Variants in CFAP36 observed in about 807,000 individuals in gnomAD.
The protein encoded by CFAP36 is cilia and flagella associated protein 36, also known as cilia- and flagella-associated protein 36.
CFAP36 carries 37 observed loss-of-function variants against 50.5 expected under a neutral mutation model. The ratio of observed to expected loss-of-function variants is 0.73; its 90% CI spans 0.56 to 0.96. The LOEUF is 0.96. Among genes scored for constraint, CFAP36 ranks in the 50% least tolerant of loss-of-function variants. CFAP36 has a pLI of 0.00. For missense variants in CFAP36, 407 were observed against 396.2 expected (o/e 1.03, Z -0.23); for synonymous variants, 138 against 128.2 (o/e 1.08, Z -0.52).
At position 55,537,499 on chromosome 2, in the gene CFAP36, C is replaced by T; in HGVS notation, c.554C>T (p.Thr185Ile). The T allele has an allele frequency of 1.9e-6, 3 of 1,608,456 alleles. No homozygotes were observed. The highest frequency in any genetic ancestry group is 2.5e-6 in the Non-Finnish European group (3 of 1,178,078). The change falls in exon 7 of 10, where the codon ACA becomes ATA. Residue 185 changes from threonine (T) to isoleucine (I), a missense_variant. Thr to Ile is a moderately conservative substitution (Grantham distance 89). Transcript: ENST00000349456. ...KRKKQLSEAK[T>I]EEPTVHSSEA... ...ATCCTGAAGTTATCAGAGGCTAAAACAGAAGAGCCCACAGTGCATTCCAGT... is the reference window on the plus strand; with the variant it reads ...ATCCTGAAGTTATCAGAGGCTAAAATAGAAGAGCCCACAGTGCATTCCAGT...
At chr2:55,539,793 C>G (rs1175125905) in intron 7 of CFAP36, among the ~76,000 whole-genome samples, 1 of 152,110 alleles carries the variant, frequency 6.6e-6, no homozygotes, top group East Asian at 1.9e-4. Context: ...TGTCAGTGTT[C>G]TGGATTTGGA....
intron 5 of CFAP36, 64 bp downstream of exon 5, chr2:55,534,024 T>C: frequency 2.2e-6 from 2 of 928,962 alleles, no homozygotes; most frequent in Non-Finnish European, 1.6e-6. Flanking sequence ...GTACATATGC[T>C]TTTTGCCCAA....
chr2:55,535,667 C>T, intron 5 of CFAP36, 45 bp from the exon 6 acceptor site: 1 of 1,421,186 alleles, frequency 7.0e-7, no homozygotes, highest in Non-Finnish European at 9.4e-7. Flanking sequence ...GTTCTTTGAC[C>T]AAAAAAGGAA....
At chr2:55,542,134 T>C (rs546858904) in intron 7 of CFAP36, among the ~76,000 whole-genome samples, 63 of 152,374 alleles carry the variant, frequency 4.1e-4, no homozygotes, top group African/African-American at 1.5e-3. Flanking sequence ...CTTTGTTTTA[T>C]ATACACCTAA....
intron 7 of CFAP36, chr2:55,539,050 C>A: frequency 1.6e-6 from 1 of 627,786 alleles, no homozygotes; most frequent in Non-Finnish European, 2.2e-6. Flanking sequence ...CATGCCTAGC[C>A]TCTCCCATTA....
intron 5 of CFAP36, among the ~76,000 whole-genome samples, 185 bp from the exon 6 acceptor site, chr2:55,535,527 G>C (rs1386612875): frequency 6.6e-6 from 1 of 152,156 alleles, no homozygotes; most frequent in Non-Finnish European, 1.5e-5. Flanking sequence ...GTATTATGCT[G>C]TATGCCTATG....
intron 2 of CFAP36, among the ~76,000 whole-genome samples, chr2:55,522,966 G>T (rs1278481090): frequency 6.6e-6 from 1 of 151,926 alleles, no homozygotes; most frequent in Non-Finnish European, 1.5e-5. Flanking sequence ...ATGATGGCAT[G>T]TGCCTGTAGT....
intron 4 of CFAP36, among the ~76,000 whole-genome samples, chr2:55,530,320 C>T (rs748480915): frequency 1.3e-5 from 2 of 152,122 alleles, no homozygotes; most frequent in Non-Finnish European, 2.9e-5. Context: ...AATGTAAGTC[C>T]GATTAAACCT....
chr2:55,525,618 A>G (rs1684185556), intron 3 of CFAP36, among the ~76,000 whole-genome samples: 1 of 147,596 alleles, frequency 6.8e-6, no homozygotes, highest in African/African-American at 2.5e-5. Flanking sequence ...CTGCCATTCC[A>G]GGTAACTTGC....
Position 55,525,316 on chromosome 2 carries a change from G to T in CFAP36, c.282+1494G>T, listed in dbSNP as rs559554733. ...AAAATATAAAAGTTAGCTTGTTGTA[G>T]GTTGTGGTGGTGTTCTCCCCAGAGT... On this transcript the variant is annotated intron_variant, in intron 3 of 9. Coordinates refer to ENST00000349456, the MANE Select transcript of CFAP36 (RefSeq NM_080667.7). 2.4e-4 allele frequency among the ~76,000 whole-genome samples: 36 copies of T among 152,252 alleles called. 1 individual carries two copies. The highest frequency in any genetic ancestry group is 7.9e-4 in the African/African-American group (33 of 41,562).
intron 3 of CFAP36, among the ~76,000 whole-genome samples, chr2:55,525,272 T>G (rs1366620432): frequency 6.6e-6 from 1 of 152,042 alleles, no homozygotes; most frequent in African/African-American, 2.4e-5. Flanking sequence ...GACAACATAG[T>G]GAGACCCCAT....
chr2:55,521,621 G>A (rs188147610), intron 1 of CFAP36, among the ~76,000 whole-genome samples: 5,507 of 144,288 alleles, frequency 0.038, 143 homozygotes, highest in South Asian at 0.094. Flanking sequence ...GTGTGTGTGT[G>A]TATATTTTTT....
Position 55,544,382 on chromosome 2 carries a change from TTAATA to T in CFAP36, c.927+15_927+19del, listed in dbSNP as rs1314063369. On this transcript the variant is annotated intron_variant, in intron 9 of 9. Transcript: ENST00000349456. ...TGGGGAGGTAGAGGTATGGCTAGCC[TTAATA>T]TGTCAAGATTTACAAATCTGGTGGT... 3 of 1,590,308 alleles carry T rather than the reference TTAATA, an allele frequency of 1.9e-6. No homozygotes were observed. The African/African-American group carries it at 4.1e-5, about 22-fold the overall frequency.
At chr2:55,522,752 T>C (rs1239885973) in intron 2 of CFAP36, among the ~76,000 whole-genome samples, 2 of 152,176 alleles carry the variant, frequency 1.3e-5, no homozygotes, top group Non-Finnish European at 2.9e-5. Flanking sequence ...TCCCAAAGTG[T>C]TGGGTTTACA....
chr2:55,539,149 G>C (rs565511089), intron 7 of CFAP36: 1 of 192,434 alleles, frequency 5.2e-6, no homozygotes, highest in South Asian at 1.3e-4. Context: ...TTACATTAGG[G>C]TTCACTCTTG....
intron 1 of CFAP36, 42 bp downstream of exon 1, chr2:55,519,958 T>G: frequency 1.3e-6 from 2 of 1,580,230 alleles, no homozygotes; most frequent in Non-Finnish European, 1.7e-6. Flanking sequence ...TTCTCCTCTC[T>G]CACACCAGCG....
chr2:55,534,198 G>C (rs753888278), intron 5 of CFAP36, among the ~76,000 whole-genome samples: 1 of 152,168 alleles, frequency 6.6e-6, no homozygotes, highest in Admixed American at 6.5e-5. Flanking sequence ...CCGCATCATA[G>C]GAATAGGAAA....
At chr2:55,519,998 T>A in intron 1 of CFAP36, 82 bp downstream of exon 1, 2 of 1,267,592 alleles carry the variant, frequency 1.6e-6, no homozygotes, top group Non-Finnish European at 2.3e-6. Context: ...CCACAAGCCA[T>A]CTCTCGTCTC....
At chr2:55,543,381 C>T (rs1415834675) in intron 7 of CFAP36, among the ~76,000 whole-genome samples, 1 of 152,056 alleles carries the variant, frequency 6.6e-6, no homozygotes, top group Admixed American at 6.6e-5. Context: ...GTTCTGCTTG[C>T]TTTAGAAATC....
Sources: gnomAD v4.1 joint callset for allele counts (sites outside exome capture counted in the v4.1 genomes callset) on GRCh38, gnomAD v4.1.1 for gene constraint, MANE v1.5 for transcripts, NCBI Gene and HGNC (gene_info 2026-07-23, HGNC 2026-07-21) for gene names.